Variants in RC3H1 observed in about 807,000 individuals in gnomAD.
RC3H1 encodes roquin-1.
Under a neutral mutation model 138.2 loss-of-function variants are expected in RC3H1, and 50 were observed. The observed-to-expected ratio is 0.36, with a 90% CI of 0.29 to 0.46. The LOEUF is 0.46. Among genes scored for constraint, RC3H1 ranks in the 20% least tolerant of loss-of-function variants. RC3H1 has a pLI of 1.00. For synonymous variants in RC3H1, 462 were observed against 489.1 expected, an observed-to-expected ratio of 0.94 and a Z score of 0.73; for missense variants, 1,031 against 1,388.1, an observed-to-expected ratio of 0.74 and a Z score of 4.09.
chr1:173,981,250 C>T (rs1660805294), intron 5 of RC3H1, among the ~76,000 whole-genome samples: 1 of 152,150 alleles, frequency 6.6e-6, no homozygotes. Context: ...AGAATAAATA[C>T]AGGCTGAGAA....
Position 173,941,314 on chromosome 1 carries a change from G to A in RC3H1, c.3202C>T (p.Pro1068Ser), listed in dbSNP as rs199782255. The change falls in exon 19 of 20, where the codon CCA (proline) becomes TCA (serine). Residue 1068 changes from proline (P) to serine (S), a missense_variant. Transcript: ENST00000367696. The stretch of plus-strand genomic sequence containing the variant: ...GCCGGAACCTTGTTTTGTGGTTCTG[G>A]TTGTCCATTTTCTGCTTGTTTACTT... ...NTSKQAENGQ[P>S]EPQNKVPAED... 46 of 1,613,854 alleles carry A rather than the reference G, an allele frequency of 2.9e-5. No individual in the cohort carries two copies. The highest frequency in any genetic ancestry group is 3.3e-4 in the Middle Eastern group (2 of 6,062).
intron 12 of RC3H1, 107 bp from the exon 13 acceptor site, chr1:173,961,351 T>G: frequency 1.0e-6 from 1 of 978,388 alleles, no homozygotes; most frequent in Non-Finnish European, 1.5e-6. Context: ...TGTATACCCT[T>G]CTTAACATTT....
chr1:173,962,464 GA>G (rs1659926737), intron 11 of RC3H1, among the ~76,000 whole-genome samples: 1 of 152,200 alleles, frequency 6.6e-6, no homozygotes, highest in Non-Finnish European at 1.5e-5. Context: ...ATTTGAAACT[GA>G]AATAACTGGG....
chr1:173,961,035 C>CA lies in RC3H1; in HGVS notation c.2370+41dup, dbSNP rs763995445. The CA allele has an allele frequency of 3.8e-6, 6 of 1,586,556 alleles. 1 individual carries two copies. The highest frequency in any genetic ancestry group is 3.6e-5 in the Admixed American group (2 of 56,304). Reference sequence around the variant, plus strand: ...AAAGATGACTTAAACCGGACACACACAAAAAAACACGGATAAATGAGACTA... The same window carrying CA: ...AAAGATGACTTAAACCGGACACACACAAAAAAAACACGGATAAATGAGACTA... On this transcript the variant is annotated intron_variant, in intron 13 of 19. Coordinates refer to ENST00000367696, the MANE Select transcript of RC3H1 (RefSeq NM_172071.4).
At chr1:174,001,658 C>T (rs1001906675) in intron 1 of RC3H1, among the ~76,000 whole-genome samples, 1 of 152,064 alleles carries the variant, frequency 6.6e-6, no homozygotes, top group Non-Finnish European at 1.5e-5. Context: ...GTCTCAAACT[C>T]CTGGTCTCAA....
chr1:174,012,741 G>A (rs1025039176), intron 1 of RC3H1, among the ~76,000 whole-genome samples: 2 of 150,406 alleles, frequency 1.3e-5, no homozygotes, highest in Non-Finnish European at 3.0e-5. Context: ...CCAAGATCAC[G>A]CGACTGCACT....
intron 18 of RC3H1, among the ~76,000 whole-genome samples, chr1:173,942,890 A>G (rs1239665359): frequency 3.3e-5 from 5 of 152,148 alleles, no homozygotes; most frequent in African/African-American, 9.7e-5. Flanking sequence ...AACCTGAGGA[A>G]GCCCCTAAGA....
chr1:173,954,217 T>C (rs920222179), intron 13 of RC3H1, among the ~76,000 whole-genome samples: 1 of 152,186 alleles, frequency 6.6e-6, no homozygotes, highest in South Asian at 2.1e-4. Context: ...GAAAATGTGG[T>C]ATATATACAA....
At chr1:173,971,011 G>C (rs1349940239) in intron 8 of RC3H1, among the ~76,000 whole-genome samples, 1 of 150,238 alleles carries the variant, frequency 6.7e-6, no homozygotes, top group Non-Finnish European at 1.5e-5. Context: ...GCCCGGGCTG[G>C]AGGGCAGCGG....
At chr1:174,005,755 T>C (rs750661722) in intron 1 of RC3H1, among the ~76,000 whole-genome samples, 1 of 152,186 alleles carries the variant, frequency 6.6e-6, no homozygotes, top group Non-Finnish European at 1.5e-5. Context: ...TAAACCTATC[T>C]AAAATGTATC....
chr1:173,942,365 G>A (rs1363366764), intron 18 of RC3H1, among the ~76,000 whole-genome samples: 1 of 145,896 alleles, frequency 6.9e-6, no homozygotes, highest in Admixed American at 6.8e-5. Context: ...CATGGGAGGC[G>A]GAGGTTGCAG....
chr1:173,931,656 A>T lies in RC3H1; in HGVS notation c.*7065T>A, dbSNP rs1658384276. On this transcript the variant is annotated 3_prime_UTR_variant, in exon 20 of 20. Coordinates refer to ENST00000367696, the MANE Select transcript of RC3H1 (RefSeq NM_172071.4). ...TAAACAGATTAAAAACAAGAGAAAAACGGTCTATTTCAAATAGGGTTCTTT... is the reference window on the plus strand; with the variant it reads ...TAAACAGATTAAAAACAAGAGAAAATCGGTCTATTTCAAATAGGGTTCTTT... 1 of 152,152 alleles carries T rather than the reference A, an allele frequency of 6.6e-6. No individual in the cohort carries two copies. Among genetic ancestry groups the T allele is most frequent in the South Asian group, 2.1e-4 (1 of 4,830 alleles). The allele number at this position is 152,152 out of a possible 1,614,324, so 9.4% of individuals were successfully genotyped here. A position where few individuals can be genotyped will look rare whatever the true frequency, so the allele number is the denominator to read the frequency against.
At chr1:173,991,112 C>A (rs1661269972) in intron 2 of RC3H1, among the ~76,000 whole-genome samples, 1 of 152,116 alleles carries the variant, frequency 6.6e-6, no homozygotes, top group African/African-American at 2.4e-5. Context: ...CACCTGTAAT[C>A]CCAGCTACTT....
rs1381532501 is a variant in RC3H1 at position 173,931,996 on chromosome 1, T to G, written c.*6725A>C. 6.6e-6 allele frequency: 1 copy of G among 151,954 alleles called. No homozygotes were observed. The highest frequency in any genetic ancestry group is 1.5e-5 in the Non-Finnish European group (1 of 67,950). 9.4% of individuals were successfully genotyped at this position (151,954 alleles called of 1,614,324 possible). ...AAAACAAAAAAATGCAAGAAAACTTTAAAAAATGGTAAGTCTACCACTGAT... is the reference window on the plus strand; with the variant it reads ...AAAACAAAAAAATGCAAGAAAACTTGAAAAAATGGTAAGTCTACCACTGAT... On this transcript the variant is annotated 3_prime_UTR_variant, in exon 20 of 20. Transcript: ENST00000367696.
chr1:173,999,391 A>AG (rs1379681338), intron 1 of RC3H1, among the ~76,000 whole-genome samples: 3 of 134,312 alleles, frequency 2.2e-5, no homozygotes, highest in Non-Finnish European at 4.6e-5. Context: ...AAAAAAAAAA[A>AG]AGAGAGAGAG....
chr1:173,990,487 T>C (rs915396939), intron 2 of RC3H1, among the ~76,000 whole-genome samples: 1 of 150,048 alleles, frequency 6.7e-6, no homozygotes. Context: ...AAATACAACA[T>C]ATATATTACT....
chr1:173,989,485 A>G (rs1359000368), intron 2 of RC3H1, among the ~76,000 whole-genome samples: 1 of 151,902 alleles, frequency 6.6e-6, no homozygotes. Flanking sequence ...CACTGTGAAC[A>G]GCCAATTGTT....
At chr1:174,011,991 G>A (rs1173599202) in intron 1 of RC3H1, among the ~76,000 whole-genome samples, 1 of 152,096 alleles carries the variant, frequency 6.6e-6, no homozygotes, top group Non-Finnish European at 1.5e-5. Context: ...CAGATAGATA[G>A]CTTGAGCCGA....
chr1:174,020,577 T>G (rs1329411618), intron 1 of RC3H1, among the ~76,000 whole-genome samples: 1 of 152,220 alleles, frequency 6.6e-6, no homozygotes, highest in African/African-American at 2.4e-5. Context: ...CAGTTGAATG[T>G]TAACAAGTGA....
Sources: allele counts gnomAD v4.1 joint callset (sites outside exome capture counted in the v4.1 genomes callset), GRCh38; gene constraint gnomAD v4.1.1; transcripts MANE v1.5; gene names NCBI Gene and HGNC (gene_info 2026-07-23, HGNC 2026-07-21).